The following DLGAP2 variants were observed in gnomAD, a reference collection of about 807,000 sequenced individuals.
The protein encoded by DLGAP2 is disks large-associated protein 2.
A neutral mutation model predicts 100.3 loss-of-function variants in DLGAP2; 26 were observed. That is an observed-to-expected ratio of 0.26 (90% CI 0.19 to 0.36). DLGAP2 has a LOEUF of 0.36. DLGAP2 is among the 10% of genes least tolerant of loss of function. DLGAP2 has a pLI of 1.00. For synonymous variants in DLGAP2, 886 were observed against 630.1 expected, an observed-to-expected ratio of 1.41 and a Z score of -6.08; for missense variants, 1,858 against 1,453.2, an observed-to-expected ratio of 1.28 and a Z score of -4.53.
At chr8:899,488 G>T (rs531527074) in intron 1 of DLGAP2, among the ~76,000 whole-genome samples, 1 of 152,204 alleles carries the variant, frequency 6.6e-6, no homozygotes, top group Non-Finnish European at 1.5e-5. Flanking sequence ...ACTGGCCTGC[G>T]AGAGGCAGAG....
At chr8:1,341,030 G>T (rs915502694) in intron 3 of DLGAP2, among the ~76,000 whole-genome samples, 25 of 152,128 alleles carry the variant, frequency 1.6e-4, no homozygotes, top group Non-Finnish European at 8.8e-5. Context: ...GGAGCTAAAT[G>T]ATGAGAACTC....
intron 3 of DLGAP2, among the ~76,000 whole-genome samples, chr8:1,334,865 G>A (rs747070999): frequency 1.4e-4 from 22 of 151,962 alleles, no homozygotes; most frequent in African/African-American, 4.1e-4. Context: ...TGCCTCTCTC[G>A]CCTCTTTCCT....
chr8:831,320 C>G (rs1796778753), intron 1 of DLGAP2, among the ~76,000 whole-genome samples: 1 of 150,838 alleles, frequency 6.6e-6, no homozygotes, highest in South Asian at 2.1e-4. Context: ...CACCCATCAA[C>G]TCGTCATTTA....
chr8:1,702,097 A>G lies in DLGAP2; in HGVS notation c.*691A>G, dbSNP rs1036284890. The G allele has an allele frequency of 6.6e-6, 1 of 152,234 alleles. No homozygotes were observed. Among genetic ancestry groups the G allele is most frequent in the Non-Finnish European group, 1.5e-5 (1 of 68,044 alleles). 9.4% of individuals were successfully genotyped at this position (152,234 alleles called of 1,614,324 possible). ...AACCCACGAAAATACCCAGCGCAGC[A>G]TCTACACATTCAAAAGATAAGCTGA... On this transcript the variant is annotated 3_prime_UTR_variant, in exon 15 of 15. Coordinates refer to ENST00000637795, the MANE Select transcript of DLGAP2 (RefSeq NM_001346810.2).
intron 1 of DLGAP2, among the ~76,000 whole-genome samples, chr8:887,725 T>G (rs2128994909): frequency 6.6e-6 from 1 of 152,082 alleles, no homozygotes; most frequent in East Asian, 1.9e-4. Flanking sequence ...GCGTGTAGGG[T>G]TTCTGCTGGA....
intron 1 of DLGAP2, among the ~76,000 whole-genome samples, chr8:850,685 A>G (rs1195480629): frequency 6.6e-6 from 1 of 152,316 alleles, no homozygotes; most frequent in Admixed American, 6.5e-5. Flanking sequence ...ATTGGCCTTT[A>G]TGTATTTTAG....
chr8:1,002,447 T>C (rs1563137995), intron 2 of DLGAP2: 1 of 152,240 alleles, frequency 6.6e-6, no homozygotes, highest in Non-Finnish European at 1.5e-5. Flanking sequence ...CAGGTTTTAA[T>C]AGGGAAAACA....
At position 834,137 on chromosome 8, in the gene DLGAP2, C is replaced by T. The variant is rs576502838; in HGVS notation, c.19-73775C>T. ...GTTGCCTAGTACAGCAAGCTCGTCT[C>T]AGGATGCGATCCTATTCAGTCATTT... On this transcript the variant is annotated intron_variant, in intron 1 of 14. Coordinates refer to ENST00000637795, the MANE Select transcript of DLGAP2 (RefSeq NM_001346810.2). 2.8e-4 allele frequency among the ~76,000 whole-genome samples: 43 copies of T among 152,310 alleles called. 2 individuals are homozygous for T. In the South Asian group the frequency reaches 7.0e-3, roughly 25 times the overall value.
At position 1,626,905 on chromosome 8, in the gene DLGAP2, C is replaced by T. The variant is rs1797519418; in HGVS notation, c.1590+18C>T. The T allele has an allele frequency of 6.4e-7, 1 of 1,574,774 alleles. No homozygotes were observed. The highest frequency in any genetic ancestry group is 8.6e-7 in the Non-Finnish European group (1 of 1,160,514). On this transcript the variant is annotated intron_variant, in intron 7 of 14. Coordinates refer to ENST00000637795, the MANE Select transcript of DLGAP2 (RefSeq NM_001346810.2). ...TGAGCCAGGTCAGGGTCCCTTCGCC[C>T]TTTCTCCCTGGGGTCCAGTCTCCCC...
At chr8:894,276 C>T (rs1798095928) in intron 1 of DLGAP2, among the ~76,000 whole-genome samples, 2 of 152,154 alleles carry the variant, frequency 1.3e-5, no homozygotes, top group African/African-American at 4.8e-5. Context: ...GTTGTCACTC[C>T]AGCACGGTCG....
At chr8:1,523,457 G>A (rs1179006115) in intron 4 of DLGAP2, among the ~76,000 whole-genome samples, 2 of 152,220 alleles carry the variant, frequency 1.3e-5, no homozygotes, top group Non-Finnish European at 2.9e-5. Flanking sequence ...GACACACGGA[G>A]CCCCAAGGCG....
At chr8:1,349,637 C>T (rs1563098543) in intron 3 of DLGAP2, among the ~76,000 whole-genome samples, 1 of 90,754 alleles carries the variant, frequency 1.1e-5, no homozygotes, top group Non-Finnish European at 2.4e-5. Context: ...CTCCCGCCCA[C>T]ATCCACACAC....
chr8:1,474,739 T>C (rs1479527322), intron 3 of DLGAP2, among the ~76,000 whole-genome samples: 1 of 152,146 alleles, frequency 6.6e-6, no homozygotes, highest in Non-Finnish European at 1.5e-5. Context: ...GTTTAACAGG[T>C]TGGCAAGGCT....
chr8:960,384 C>T (rs1056859291), intron 2 of DLGAP2, among the ~76,000 whole-genome samples: 17 of 151,702 alleles, frequency 1.1e-4, no homozygotes, highest in Admixed American at 9.2e-4. Flanking sequence ...TACAGGCAGG[C>T]ACCACCACGC....
chr8:938,115 T>G (rs1370145761), intron 2 of DLGAP2, among the ~76,000 whole-genome samples: 1 of 152,172 alleles, frequency 6.6e-6, no homozygotes, highest in Non-Finnish European at 1.5e-5. Context: ...ACATCAAACG[T>G]GCAGTGTGAG....
intron 3 of DLGAP2, among the ~76,000 whole-genome samples, chr8:1,360,605 A>G (rs1279132055): frequency 1.3e-5 from 2 of 150,502 alleles, no homozygotes; most frequent in African/African-American, 4.8e-5. Context: ...GGGAATCCAC[A>G]GGAAATCCAC....
chr8:1,602,908 G>A (rs982886268), intron 6 of DLGAP2, among the ~76,000 whole-genome samples: 13 of 152,354 alleles, frequency 8.5e-5, no homozygotes, highest in African/African-American at 2.4e-4. Context: ...TAAAGGTGTC[G>A]AGTGCCGCGA....
intron 3 of DLGAP2, among the ~76,000 whole-genome samples, chr8:1,355,153 C>A (rs942886556): frequency 2.0e-5 from 3 of 152,240 alleles, no homozygotes; most frequent in East Asian, 1.9e-4. Flanking sequence ...CAAAGCCGAG[C>A]AGAAAGCACC....
intron 2 of DLGAP2, among the ~76,000 whole-genome samples, chr8:1,133,262 T>G (rs1368125118): frequency 1.3e-5 from 2 of 152,182 alleles, no homozygotes. Flanking sequence ...CTTCCATGCC[T>G]GGGGGTTTGC....
Sources: gnomAD v4.1 joint callset for allele counts (sites outside exome capture counted in the v4.1 genomes callset) on GRCh38, gnomAD v4.1.1 for gene constraint, MANE v1.5 for transcripts, NCBI Gene and HGNC (gene_info 2026-07-23, HGNC 2026-07-21) for gene names.